The following SLC24A3 variants were observed in gnomAD, a reference collection of about 807,000 sequenced individuals.
SLC24A3 encodes the protein solute carrier family 24 member 3.
Under a neutral mutation model 75.8 loss-of-function variants are expected in SLC24A3, and 28 were observed. The ratio of observed to expected loss-of-function variants is 0.37; its 90% confidence interval spans 0.27 to 0.51. SLC24A3 has a LOEUF of 0.51. Ranked by LOEUF, SLC24A3 falls within the 20% of genes least tolerant of loss-of-function variation. The probability of loss-of-function intolerance (pLI) is 0.94; values close to 1 mark genes in which losing one functional copy is unlikely to be tolerated. For missense variants in SLC24A3, 663 were observed against 847.8 expected (o/e 0.78, Z 2.71); for synonymous variants, 372 against 334.1 (o/e 1.11, Z -1.24).
At chr20:19,581,403 A>G (rs532778064) in intron 4 of SLC24A3, among the ~76,000 whole-genome samples, 2 of 152,330 alleles carry the variant, frequency 1.3e-5, no homozygotes, top group African/African-American at 4.8e-5. Context: ...AAATGTCAGT[A>G]CAGTTGTCAG....
At chr20:19,508,502 AT>A (rs1308031772) in intron 2 of SLC24A3, among the ~76,000 whole-genome samples, 3 of 147,242 alleles carry the variant, frequency 2.0e-5, no homozygotes, top group Non-Finnish European at 3.0e-5. Context: ...TTCCTGCTGC[AT>A]TTTTTTTCAA....
chr20:19,339,848 G>A (rs1308218442), intron 2 of SLC24A3, among the ~76,000 whole-genome samples: 3 of 152,230 alleles, frequency 2.0e-5, no homozygotes, highest in Non-Finnish European at 4.4e-5. Context: ...GAGAAGAAGG[G>A]AGGAAGGCAG....
At chr20:19,525,020 C>T (rs1172428357) in intron 3 of SLC24A3, among the ~76,000 whole-genome samples, 1 of 152,186 alleles carries the variant, frequency 6.6e-6, no homozygotes, top group Non-Finnish European at 1.5e-5. Flanking sequence ...CAATTTTGTA[C>T]CTGGGAAAAC....
At chr20:19,465,276 C>T (rs1987744965) in intron 2 of SLC24A3, among the ~76,000 whole-genome samples, 1 of 152,082 alleles carries the variant, frequency 6.6e-6, no homozygotes, top group African/African-American at 2.4e-5. Flanking sequence ...TCCTGAGAGG[C>T]CCAGGGGTCT....
At chr20:19,659,934 T>A (rs2122715455) in intron 7 of SLC24A3, among the ~76,000 whole-genome samples, 1 of 152,260 alleles carries the variant, frequency 6.6e-6, no homozygotes, top group East Asian at 1.9e-4. Context: ...AAATAACTAA[T>A]CTGAAATAAT....
chr20:19,661,460 C>G (rs1297022093), intron 7 of SLC24A3, among the ~76,000 whole-genome samples: 2 of 151,828 alleles, frequency 1.3e-5, no homozygotes, highest in Non-Finnish European at 2.9e-5. Context: ...GCACCCCCAC[C>G]CAAGAGCTGA....
intron 3 of SLC24A3, among the ~76,000 whole-genome samples, chr20:19,563,960 C>T (rs962197542): frequency 8.5e-5 from 13 of 152,190 alleles, no homozygotes; most frequent in Non-Finnish European, 1.5e-5. Context: ...AGAGCTCTAT[C>T]ATCTTGTAGA....
At chr20:19,320,141 C>T (rs1477616669) in intron 2 of SLC24A3, among the ~76,000 whole-genome samples, 7 of 152,200 alleles carry the variant, frequency 4.6e-5, no homozygotes, top group East Asian at 1.9e-4. Flanking sequence ...GAGCTGAAGA[C>T]GCGCCAATGT....
Position 19,595,107 on chromosome 20 carries a change from G to A in SLC24A3, c.612+9563G>A, listed in dbSNP as rs113516788. 2.0e-5 allele frequency among the ~76,000 whole-genome samples: 3 copies of A among 152,296 alleles called. 1 individual carries two copies. Among genetic ancestry groups the A allele is most frequent in the African/African-American group, 7.2e-5 (3 of 41,554 alleles). ...GCTGGTCTTCTAGGTTCACAAGCTA[G>A]AGTAAGAAAACAGCAAGGCCAAGGG... On this transcript the variant is annotated intron_variant, in intron 6 of 16. Transcript: ENST00000328041.
At chr20:19,357,068 C>T (rs551080074) in intron 2 of SLC24A3, among the ~76,000 whole-genome samples, 2 of 152,090 alleles carry the variant, frequency 1.3e-5, no homozygotes, top group Admixed American at 1.3e-4. Flanking sequence ...AAGAGATTAT[C>T]TTGGATTATC....
chr20:19,534,132 C>A (rs2030353334), intron 3 of SLC24A3, among the ~76,000 whole-genome samples: 1 of 152,240 alleles, frequency 6.6e-6, no homozygotes, highest in Non-Finnish European at 1.5e-5. Context: ...ACATAAATAG[C>A]AAAGCTTGGT....
chr20:19,568,185 T>G (rs940295907), intron 3 of SLC24A3, among the ~76,000 whole-genome samples: 1 of 152,182 alleles, frequency 6.6e-6, no homozygotes, highest in Non-Finnish European at 1.5e-5. Context: ...ACACTATAGT[T>G]AGGAATGCAA....
chr20:19,471,841 G>T (rs1568627590), intron 2 of SLC24A3, among the ~76,000 whole-genome samples: 1 of 152,240 alleles, frequency 6.6e-6, no homozygotes, highest in Admixed American at 6.5e-5. Context: ...CAGCCAATTT[G>T]TCTCCCTATA....
At chr20:19,319,757 C>A (rs553510671) in intron 2 of SLC24A3, among the ~76,000 whole-genome samples, 6 of 152,234 alleles carry the variant, frequency 3.9e-5, no homozygotes, top group Admixed American at 3.3e-4. Context: ...GGAGTGGGCA[C>A]TGGAGGCATT....
At chr20:19,445,985 G>A (rs1320104430) in intron 2 of SLC24A3, among the ~76,000 whole-genome samples, 1 of 152,194 alleles carries the variant, frequency 6.6e-6, no homozygotes, top group Non-Finnish European at 1.5e-5. Flanking sequence ...TATCCTCACA[G>A]TAACCCTTTA....
intron 6 of SLC24A3, among the ~76,000 whole-genome samples, chr20:19,607,734 C>T (rs550562637): frequency 6.6e-6 from 1 of 152,220 alleles, no homozygotes; most frequent in Non-Finnish European, 1.5e-5. Flanking sequence ...TCTTGGTCAA[C>T]TGGACTGCCA....
At chr20:19,316,951 C>T (rs1205521160) in intron 2 of SLC24A3, among the ~76,000 whole-genome samples, 2 of 152,032 alleles carry the variant, frequency 1.3e-5, no homozygotes, top group Non-Finnish European at 2.9e-5. Context: ...AAGTATTAAG[C>T]CCAACATCCA....
intron 2 of SLC24A3, among the ~76,000 whole-genome samples, chr20:19,455,919 T>C (rs1434586148): frequency 6.6e-6 from 1 of 152,258 alleles, no homozygotes; most frequent in African/African-American, 2.4e-5. Context: ...TAACGTTTAT[T>C]AGGCGACTAT....
intron 1 of SLC24A3, among the ~76,000 whole-genome samples, chr20:19,256,960 G>A (rs1982834623): frequency 6.6e-6 from 1 of 151,974 alleles, no homozygotes; most frequent in African/African-American, 2.4e-5. Context: ...TAGAAAATCT[G>A]GAATTCATGG....
Sources: gnomAD v4.1 joint callset for allele counts (sites outside exome capture counted in the v4.1 genomes callset) on GRCh38, gnomAD v4.1.1 for gene constraint, MANE v1.5 for transcripts, NCBI Gene and HGNC (gene_info 2026-07-23, HGNC 2026-07-21) for gene names.